EYS: variants seen among roughly 807,000 people sequenced by gnomAD.
The protein encoded by EYS is EGF-like photoreceptor maintenance factor.
Under a neutral mutation model 282.1 loss-of-function variants are expected in EYS, and 250 were observed. The observed-to-expected ratio is 0.89, with a 90% CI of 0.80 to 0.98. The LOEUF (loss-of-function observed/expected upper bound fraction) is 0.98. Among genes scored for constraint, EYS ranks in the 50% least tolerant of loss-of-function variants. The pLI is 0.00. For missense variants in EYS, 4,016 were observed against 3,709.0 expected (o/e 1.08, Z -2.15); for synonymous variants, 1,355 against 1,282.9 (o/e 1.06, Z -1.20).
chr6:65,108,135 C>A (rs984598015), intron 12 of EYS, among the ~76,000 whole-genome samples: 1 of 151,996 alleles, frequency 6.6e-6, no homozygotes, highest in African/African-American at 2.4e-5. Flanking sequence ...GTTGACCTGG[C>A]ACAATTTTCC....
chr6:64,669,108 T>C (rs1389117195), intron 22 of EYS, among the ~76,000 whole-genome samples: 2 of 152,174 alleles, frequency 1.3e-5, no homozygotes, highest in Non-Finnish European at 2.9e-5. Context: ...CTTTATATAC[T>C]CACTCGTTTC....
chr6:64,546,986 C>T (rs1764894989), intron 26 of EYS, among the ~76,000 whole-genome samples: 1 of 152,234 alleles, frequency 6.6e-6, no homozygotes, highest in South Asian at 2.1e-4. Context: ...CACGGAACCT[C>T]GCGGTGAGTG....
intron 36 of EYS, among the ~76,000 whole-genome samples, chr6:63,807,344 G>A (rs1223634096): frequency 6.6e-6 from 1 of 152,072 alleles, no homozygotes; most frequent in Non-Finnish European, 1.5e-5. Context: ...GGAACTCCAG[G>A]GAAGCTGTAA....
At chr6:64,329,236 C>T (rs1166687557) in intron 29 of EYS, among the ~76,000 whole-genome samples, 1 of 152,132 alleles carries the variant, frequency 6.6e-6, no homozygotes, top group Admixed American at 6.5e-5. Flanking sequence ...ATTGGAGCTA[C>T]AGGAATAACA....
At chr6:63,959,133 A>G (rs1354100979) in intron 35 of EYS, among the ~76,000 whole-genome samples, 1 of 152,226 alleles carries the variant, frequency 6.6e-6, no homozygotes. Flanking sequence ...CAAAGGTATA[A>G]TATCCAGAAT....
chr6:65,412,233 A>ATGTT (rs1414533247), intron 5 of EYS, among the ~76,000 whole-genome samples: 4 of 152,260 alleles, frequency 2.6e-5, no homozygotes, highest in African/African-American at 9.6e-5. Flanking sequence ...TGATAAATAA[A>ATGTT]TGTTTAAGCC....
intron 12 of EYS, among the ~76,000 whole-genome samples, chr6:65,186,064 AACT>A (rs1765510409): frequency 1.3e-5 from 2 of 151,724 alleles, no homozygotes; most frequent in South Asian, 4.1e-4. Context: ...GTATAATACT[AACT>A]TGCTTTCTGA....
chr6:65,264,460 A>G (rs1276160269), intron 12 of EYS, among the ~76,000 whole-genome samples: 2 of 152,120 alleles, frequency 1.3e-5, no homozygotes, highest in African/African-American at 4.8e-5. Context: ...TTAAAACACC[A>G]AAAGTTTAGA....
At chr6:65,197,002 A>G (rs1472203405) in intron 12 of EYS, among the ~76,000 whole-genome samples, 9 of 152,008 alleles carry the variant, frequency 5.9e-5, no homozygotes, top group Non-Finnish European at 1.2e-4. Flanking sequence ...CACTTTTTGG[A>G]AGGACTTTGA....
At chr6:63,838,184 G>C (rs1349337270) in intron 36 of EYS, among the ~76,000 whole-genome samples, 1 of 151,584 alleles carries the variant, frequency 6.6e-6, no homozygotes, top group Admixed American at 6.6e-5. Flanking sequence ...AAATGAGTCT[G>C]GTGGTGATAC....
intron 22 of EYS, among the ~76,000 whole-genome samples, chr6:64,807,043 T>C (rs1450678703): frequency 1.3e-5 from 2 of 152,148 alleles, no homozygotes; most frequent in Admixed American, 1.3e-4. Context: ...CTTACATGCA[T>C]TAAAATGCTA....
intron 11 of EYS, chr6:65,331,095 C>A: frequency 1.0e-6 from 1 of 983,818 alleles, no homozygotes; most frequent in Non-Finnish European, 1.2e-6. Context: ...CAGATCCCAC[C>A]CCATTAGTCT....
At position 65,568,020 on chromosome 6, in the gene EYS, A is replaced by T. The variant is rs142588948; in HGVS notation, c.-333+71758T>A. Among the ~76,000 whole-genome samples the T allele has an allele frequency of 9.2e-5, 14 of 152,168 alleles. No homozygotes were observed. The East Asian group carries it at 2.7e-3, about 29-fold the overall frequency. ...AAGTTTCCGTTTTCCCACCTAGAAC[A>T]AGAATTATTTTTTCTTCCCCCTCCC... On this transcript the variant is annotated intron_variant, in intron 2 of 42. Coordinates refer to ENST00000503581, the MANE Select transcript of EYS (RefSeq NM_001142800.2).
intron 31 of EYS, among the ~76,000 whole-genome samples, chr6:64,198,322 A>T (rs1765360422): frequency 6.6e-6 from 1 of 151,852 alleles, no homozygotes; most frequent in African/African-American, 2.4e-5. Context: ...TTTTTTTATT[A>T]TTATACTTTA....
intron 22 of EYS, among the ~76,000 whole-genome samples, chr6:64,771,930 A>T (rs539081279): frequency 1.3e-5 from 2 of 151,836 alleles, no homozygotes; most frequent in East Asian, 3.9e-4. Flanking sequence ...ATTCAGAGAG[A>T]AGTTCCTATT....
chr6:65,236,322 G>A (rs947304111), intron 12 of EYS, among the ~76,000 whole-genome samples: 12 of 151,966 alleles, frequency 7.9e-5, no homozygotes, highest in African/African-American at 1.7e-4. Flanking sequence ...TATAAAACCC[G>A]TAAAATGGGT....
intron 14 of EYS, among the ~76,000 whole-genome samples, chr6:64,957,173 A>G (rs1050764893): frequency 1.2e-4 from 19 of 152,184 alleles, no homozygotes; most frequent in Non-Finnish European, 2.2e-4. Flanking sequence ...AAGCAACCTA[A>G]GTGTCCATCA....
intron 29 of EYS, among the ~76,000 whole-genome samples, chr6:64,333,718 T>C (rs1435546835): frequency 6.6e-6 from 1 of 152,184 alleles, no homozygotes; most frequent in Non-Finnish European, 1.5e-5. Flanking sequence ...CAAGTTTAAG[T>C]TACCCCAATG....
chr6:64,351,408 A>G (rs920226510), intron 29 of EYS, among the ~76,000 whole-genome samples: 12 of 151,486 alleles, frequency 7.9e-5, no homozygotes, highest in Admixed American at 4.0e-4. Context: ...ACATAGTTAC[A>G]TTATGCCTCT....
Sources: gnomAD v4.1 joint callset for allele counts (sites outside exome capture counted in the v4.1 genomes callset) on GRCh38, gnomAD v4.1.1 for gene constraint, MANE v1.5 for transcripts, NCBI Gene and HGNC (gene_info 2026-07-23, HGNC 2026-07-21) for gene names.